The following CHN1 variants were observed in gnomAD, a reference collection of about 807,000 sequenced individuals.
The protein encoded by CHN1 is chimerin 1, also known as N-chimaerin.
A neutral mutation model predicts 59.5 loss-of-function variants in CHN1; 37 were observed. The ratio of observed to expected loss-of-function variants is 0.62; its 90% confidence interval spans 0.48 to 0.82. The LOEUF is 0.82. Ranked by LOEUF, CHN1 falls within the 40% of genes least tolerant of loss-of-function variation. CHN1 has a pLI of 0.00. For synonymous variants in CHN1, 206 were observed against 200.4 expected (o/e 1.03, Z -0.24); for missense variants, 469 against 571.0 (o/e 0.82, Z 1.82).
chr2:174,996,000 A>G (rs532633310), intron 1 of CHN1, among the ~76,000 whole-genome samples: 2 of 151,612 alleles, frequency 1.3e-5, no homozygotes, highest in African/African-American at 2.4e-5. Context: ...CCTAATTTAT[A>G]AATTAAAATT....
intron 7 of CHN1, among the ~76,000 whole-genome samples, chr2:174,828,756 G>A (rs1685776201): frequency 6.6e-6 from 1 of 152,228 alleles, no homozygotes; most frequent in Non-Finnish European, 1.5e-5. Flanking sequence ...GGTGGGATAT[G>A]CGGGAAAGGA....
chr2:174,887,735 A>G (rs1037412397), intron 5 of CHN1, among the ~76,000 whole-genome samples: 1 of 152,216 alleles, frequency 6.6e-6, no homozygotes, highest in Non-Finnish European at 1.5e-5. Context: ...GAAATCATGA[A>G]TATCTGTCTA....
intron 1 of CHN1, among the ~76,000 whole-genome samples, chr2:174,988,627 ATCT>A (rs1340753702): frequency 6.6e-6 from 1 of 152,222 alleles, no homozygotes; most frequent in African/African-American, 2.4e-5. Context: ...GCAGCTATGA[ATCT>A]TCTTATAATA....
chr2:174,820,708 T>C (rs182465429), intron 8 of CHN1, among the ~76,000 whole-genome samples: 2 of 152,272 alleles, frequency 1.3e-5, no homozygotes, highest in Admixed American at 6.5e-5. Context: ...TGCGGTGTGC[T>C]TAGCAGCAAG....
intron 5 of CHN1, among the ~76,000 whole-genome samples, chr2:174,886,492 G>A (rs1033348048): frequency 3.3e-5 from 5 of 151,844 alleles, no homozygotes; most frequent in Non-Finnish European, 7.4e-5. Context: ...CTTCCAATTC[G>A]CTTTTTATCC....
intron 1 of CHN1, among the ~76,000 whole-genome samples, chr2:174,976,142 A>G (rs1434699909): frequency 6.6e-6 from 1 of 151,180 alleles, no homozygotes; most frequent in East Asian, 1.9e-4. Flanking sequence ...AAAAAAAAAA[A>G]AAAAAAAAAA....
chr2:174,899,798 G>C (rs1329936465), intron 5 of CHN1, among the ~76,000 whole-genome samples: 3 of 152,286 alleles, frequency 2.0e-5, no homozygotes, highest in Non-Finnish European at 2.9e-5. Flanking sequence ...AAATTGGGAA[G>C]AGGGGTGGAA....
chr2:174,926,959 C>T (rs933826167), intron 3 of CHN1, among the ~76,000 whole-genome samples: 2 of 151,990 alleles, frequency 1.3e-5, no homozygotes, highest in African/African-American at 2.4e-5. Flanking sequence ...GGGGTTTCAC[C>T]GTGTTAGCCA....
chr2:174,802,504 G>A (rs1387163098), intron 11 of CHN1, among the ~76,000 whole-genome samples: 2 of 152,334 alleles, frequency 1.3e-5, no homozygotes, highest in African/African-American at 2.4e-5. Context: ...GATGGCGAGA[G>A]CCCTGAAATA....
At chr2:174,843,712 AC>A (rs1230818547) in intron 7 of CHN1, among the ~76,000 whole-genome samples, 1 of 151,472 alleles carries the variant, frequency 6.6e-6, no homozygotes, top group African/African-American at 2.4e-5. Context: ...AAAAAAAAAA[AC>A]CCACTTAGGG....
In CHN1 at chr2:174,982,222, G is replaced by A. The variant is rs180930976; in HGVS notation, c.19+22672C>T. On this transcript the variant is annotated intron_variant, in intron 1 of 12. Transcript: ENST00000409900. ...TTGTTGGGCATTTGGGTTGGTTCCA[G>A]GTCTTTGCTATTGTGAATAGTGCCA... 4.8e-3 allele frequency among the ~76,000 whole-genome samples: 728 copies of A among 152,222 alleles called. 5 individuals are homozygous for A. Among genetic ancestry groups the A allele is most frequent in the African/African-American group, 0.017 (690 of 41,528 alleles).
chr2:174,836,046 G>A (rs893576554), intron 7 of CHN1, among the ~76,000 whole-genome samples: 1 of 152,094 alleles, frequency 6.6e-6, no homozygotes, highest in Admixed American at 6.6e-5. Flanking sequence ...TGTCTCCTCA[G>A]GCAGTCTCTG....
At chr2:174,986,731 A>G (rs906427723) in intron 1 of CHN1, among the ~76,000 whole-genome samples, 2 of 152,090 alleles carry the variant, frequency 1.3e-5, no homozygotes, top group African/African-American at 4.8e-5. Context: ...TTTCCTTATG[A>G]TTTTTTGTTT....
chr2:174,893,891 A>C (rs998937420), intron 5 of CHN1, among the ~76,000 whole-genome samples: 3 of 152,212 alleles, frequency 2.0e-5, no homozygotes, highest in South Asian at 2.1e-4. Flanking sequence ...TAGTCTCTTC[A>C]ACAAACAGTG....
intron 5 of CHN1, among the ~76,000 whole-genome samples, chr2:174,887,496 C>T (rs1257304519): frequency 6.6e-6 from 1 of 152,046 alleles, no homozygotes; most frequent in Non-Finnish European, 1.5e-5. Flanking sequence ...GGAGGTATTA[C>T]TATTATTACA....
chr2:174,931,360 G>A (rs189595093), intron 3 of CHN1, among the ~76,000 whole-genome samples: 1 of 152,306 alleles, frequency 6.6e-6, no homozygotes, highest in Non-Finnish European at 1.5e-5. Flanking sequence ...CATAGTGCAA[G>A]CAGTGGCCAA....
chr2:174,828,667 A>G (rs1685773591), intron 7 of CHN1, among the ~76,000 whole-genome samples: 1 of 152,250 alleles, frequency 6.6e-6, no homozygotes, highest in Admixed American at 6.5e-5. Context: ...AATACAATGA[A>G]CATTCAAAAT....
intron 11 of CHN1, among the ~76,000 whole-genome samples, chr2:174,807,402 G>A (rs1022027422): frequency 6.6e-6 from 1 of 150,642 alleles, no homozygotes; most frequent in Admixed American, 6.6e-5. Context: ...CGGAGTCCTC[G>A]GGATCAGAGC....
chr2:174,877,164 T>C (rs928773692), intron 6 of CHN1, among the ~76,000 whole-genome samples: 1 of 152,106 alleles, frequency 6.6e-6, no homozygotes, highest in African/African-American at 2.4e-5. Context: ...ATAATCTTAA[T>C]GCCAAGAAAT....
Sources: gnomAD v4.1 joint callset for allele counts (sites outside exome capture counted in the v4.1 genomes callset) on GRCh38, gnomAD v4.1.1 for gene constraint, MANE v1.5 for transcripts, NCBI Gene and HGNC (gene_info 2026-07-23, HGNC 2026-07-21) for gene names.